The following TASP1 variants were observed in gnomAD, a reference collection of about 807,000 sequenced individuals.
TASP1 encodes the protein taspase 1, also known as threonine aspartase 1.
TASP1 carries 16 observed loss-of-function variants against 56.6 expected under a neutral mutation model. The ratio of observed to expected loss-of-function variants is 0.28; its 90% CI spans 0.19 to 0.43. The LOEUF (loss-of-function observed/expected upper bound fraction) is 0.43. Among genes scored for constraint, TASP1 ranks in the 20% least tolerant of loss-of-function variants. The probability of loss-of-function intolerance (pLI) is 1.00; values close to 1 mark genes in which losing one functional copy is unlikely to be tolerated. For synonymous variants in TASP1, 179 were observed against 184.2 expected (o/e 0.97, Z 0.23); for missense variants, 393 against 511.6 (o/e 0.77, Z 2.24).
chr20:13,617,342 C>CA (rs1338917372), intron 4 of TASP1, among the ~76,000 whole-genome samples: 1 of 151,938 alleles, frequency 6.6e-6, no homozygotes, highest in East Asian at 1.9e-4. Flanking sequence ...GTAAGTACTA[C>CA]AAAAGAAAAA....
chr20:13,403,732 A>C (rs1305164736), intron 13 of TASP1, among the ~76,000 whole-genome samples: 1 of 152,114 alleles, frequency 6.6e-6, no homozygotes, highest in East Asian at 1.9e-4. Flanking sequence ...AAATAAAATA[A>C]AAATTAGCCA....
chr20:13,481,126 A>C (rs2043126599), intron 11 of TASP1, among the ~76,000 whole-genome samples: 1 of 151,910 alleles, frequency 6.6e-6, no homozygotes, highest in African/African-American at 2.4e-5. Context: ...CCATGAGTTC[A>C]ATTGTTTTGA....
the TASP1 span, among the ~76,000 whole-genome samples, chr20:13,107,610 A>T: frequency 1.3e-4 from 20 of 152,302 alleles, no homozygotes; most frequent in Admixed American, 1.3e-3. Context: ...AAAAACAAAG[A>T]AAAGGAAAGT....
At chr20:13,347,351 G>A in the TASP1 span, among the ~76,000 whole-genome samples, 1 of 152,126 alleles carries the variant, frequency 6.6e-6, no homozygotes, top group Non-Finnish European at 1.5e-5. Context: ...AAGTAGATGG[G>A]AGTCATTGTG....
chr20:13,211,000 C>A, the TASP1 span, among the ~76,000 whole-genome samples: 1 of 151,958 alleles, frequency 6.6e-6, no homozygotes, highest in African/African-American at 2.4e-5. Context: ...TTTAATAATT[C>A]CAGTTTCTCA....
chr20:13,393,029 T>C, intron 13 of TASP1: 1 of 585,316 alleles, frequency 1.7e-6, no homozygotes, highest in East Asian at 3.8e-5. Context: ...GCCAAAAGGG[T>C]CATCATCTCT....
chr20:13,287,268 A>G, the TASP1 span, among the ~76,000 whole-genome samples: 1 of 152,234 alleles, frequency 6.6e-6, no homozygotes, highest in South Asian at 2.1e-4. Context: ...GGGACATCTT[A>G]CATGGTGTCA....
the TASP1 span, among the ~76,000 whole-genome samples, chr20:13,325,437 C>T: frequency 2.6e-5 from 4 of 152,132 alleles, no homozygotes; most frequent in South Asian, 2.1e-4. Flanking sequence ...TTGATTTCCA[C>T]ACAGGCAGAA....
intron 8 of TASP1, among the ~76,000 whole-genome samples, chr20:13,540,597 T>C (rs2045584429): frequency 6.6e-6 from 1 of 152,172 alleles, no homozygotes; most frequent in Non-Finnish European, 1.5e-5. Context: ...ATATGAATAA[T>C]CTTTCAGACA....
intron 6 of TASP1, among the ~76,000 whole-genome samples, chr20:13,572,685 C>CA (rs71188164): frequency 0.35 from 29,313 of 83,884 alleles, 6,517 homozygotes; most frequent in African/African-American, 0.59. Flanking sequence ...GACTCCATCT[C>CA]AAAAAAAAAA....
intron 11 of TASP1, among the ~76,000 whole-genome samples, chr20:13,456,912 C>T (rs1044093801): frequency 6.6e-6 from 1 of 152,092 alleles, no homozygotes; most frequent in Non-Finnish European, 1.5e-5. Context: ...TTTTTGTTCA[C>T]AACATACAAG....
chr20:13,494,976 G>A (rs2043669258), intron 10 of TASP1, among the ~76,000 whole-genome samples: 1 of 151,370 alleles, frequency 6.6e-6, no homozygotes. Context: ...AAGCCAAAAT[G>A]CAGTTATAAA....
intron 4 of TASP1, among the ~76,000 whole-genome samples, chr20:13,603,108 G>A (rs1351980369): frequency 1.3e-5 from 2 of 152,108 alleles, no homozygotes; most frequent in African/African-American, 4.8e-5. Flanking sequence ...GCGTGCATCT[G>A]TAATCTCAGC....
chr20:13,110,143 T>C, the TASP1 span: 6 of 1,613,632 alleles, frequency 3.7e-6, no homozygotes, highest in South Asian at 3.3e-5. Flanking sequence ...TCCTGAGAGA[T>C]GCTGTCATCT....
the TASP1 span, among the ~76,000 whole-genome samples, chr20:13,289,922 C>A: frequency 6.6e-6 from 1 of 152,170 alleles, no homozygotes; most frequent in Non-Finnish European, 1.5e-5. Context: ...GATCCTTACA[C>A]CCCAGACTTC....
chr20:13,151,969 T>C, the TASP1 span, among the ~76,000 whole-genome samples: 1 of 152,060 alleles, frequency 6.6e-6, no homozygotes, highest in Non-Finnish European at 1.5e-5. Flanking sequence ...AGCCTTCAAC[T>C]CTCAACTGCC....
At chr20:13,306,564 C>CAAAAAAAAAAAAAAAAAAAAGAAA in the TASP1 span, among the ~76,000 whole-genome samples, 2 of 63,914 alleles carry the variant, frequency 3.1e-5, no homozygotes, top group African/African-American at 7.2e-5. Context: ...GGAGAAAGGA[C>CAAAAAAAAAAAAAAAAAAAAGAAA]AAAAAAAAAA....
At chr20:13,367,568 A>G in the TASP1 span, among the ~76,000 whole-genome samples, 1 of 152,256 alleles carries the variant, frequency 6.6e-6, no homozygotes, top group Non-Finnish European at 1.5e-5. Context: ...GCAGTGCTGC[A>G]GCATCAAAAT....
intron 10 of TASP1, among the ~76,000 whole-genome samples, chr20:13,518,165 A>G (rs3827702): frequency 0.59 from 90,310 of 151,870 alleles, 27,709 homozygotes; most frequent in Non-Finnish European, 0.67. Context: ...TAAGAATCTC[A>G]TTGAGAGTGA....
Sources: gnomAD v4.1 joint callset for allele counts (sites outside exome capture counted in the v4.1 genomes callset) on GRCh38, gnomAD v4.1.1 for gene constraint, MANE v1.5 for transcripts, NCBI Gene and HGNC (gene_info 2026-07-23, HGNC 2026-07-21) for gene names.